The following PPP1R12B variants were observed in gnomAD, a reference collection of about 807,000 sequenced individuals.
PPP1R12B encodes protein phosphatase 1 regulatory subunit 12B, also known as myosin phosphatase target subunit 2.
A neutral mutation model predicts 126.1 loss-of-function variants in PPP1R12B; 76 were observed. The ratio of observed to expected loss-of-function variants is 0.60; its 90% CI spans 0.50 to 0.73. The LOEUF (loss-of-function observed/expected upper bound fraction) is 0.73, where lower values mean the gene tolerates loss of function less well. PPP1R12B is among the 30% of genes least tolerant of loss of function. The pLI is 0.00. For synonymous variants in PPP1R12B, 356 were observed against 434.7 expected (o/e 0.82, Z 2.25); for missense variants, 1,052 against 1,205.1 (o/e 0.87, Z 1.88).
At chr1:202,384,211 A>G (rs2148499564) in intron 1 of PPP1R12B, among the ~76,000 whole-genome samples, 1 of 152,344 alleles carries the variant, frequency 6.6e-6, no homozygotes, top group African/African-American at 2.4e-5. Flanking sequence ...ATATATTCAA[A>G]ATAATTAAAA....
chr1:202,412,601 G>T (rs75042169), intron 1 of PPP1R12B, among the ~76,000 whole-genome samples: 1,782 of 152,320 alleles, frequency 0.012, 14 homozygotes, highest in Non-Finnish European at 0.02. Flanking sequence ...CAGAGCCAAA[G>T]AAATTTTGCA....
chr1:202,434,888 TCTG>T lies in PPP1R12B; in HGVS notation c.1254+123_1254+125del, dbSNP rs1480344421. The stretch of plus-strand genomic sequence containing the variant: ...TAAAAATACATTTTTCCTGTCATAA[TCTG>T]CTCCCATAACAAAAAACACAGGCTG... On this transcript the variant is annotated intron_variant, in intron 9 of 23. Coordinates refer to ENST00000608999, the MANE Select transcript of PPP1R12B (RefSeq NM_002481.4). The T allele has an allele frequency of 3.4e-6, 5 of 1,463,472 alleles. No individual in the cohort carries two copies. In the African/African-American group the frequency reaches 5.8e-5, roughly 17 times the overall value. 90.7% of individuals were successfully genotyped at this position (1,463,472 alleles called of 1,614,324 possible).
At chr1:202,481,828 C>G (rs1288264902) in intron 13 of PPP1R12B, among the ~76,000 whole-genome samples, 1 of 152,044 alleles carries the variant, frequency 6.6e-6, no homozygotes, top group Non-Finnish European at 1.5e-5. Flanking sequence ...AATTTATTCC[C>G]CCTGTCTAAT....
rs536825617 is a variant in PPP1R12B, at chr1:202,461,863, C to CAAG, written c.1850+12694_1850+12696dup. ...TAAGCATTTGAACATTTATATGAGG[C>CAAG]AAGAGCTAGTGAGCTGAATGTGATA... On this transcript the variant is annotated intron_variant, in intron 13 of 23. Transcript: ENST00000608999. Among the ~76,000 whole-genome samples, 43 of 152,232 alleles carry CAAG rather than the reference C, an allele frequency of 2.8e-4. 1 individual carries two copies. In the East Asian group the frequency reaches 7.9e-3, roughly 28 times the overall value.
chr1:202,504,725 T>C (rs1680628268), intron 18 of PPP1R12B, among the ~76,000 whole-genome samples: 1 of 152,186 alleles, frequency 6.6e-6, no homozygotes, highest in Non-Finnish European at 1.5e-5. Context: ...TATAGCATAA[T>C]AGTTAAGAGG....
chr1:202,431,732 A>G lies in PPP1R12B; in HGVS notation c.1141+113A>G. 5.8e-6 allele frequency: 6 copies of G among 1,035,368 alleles called. No homozygotes were observed. The South Asian group carries it at 7.4e-5, about 13-fold the overall frequency. The allele number at this position is 1,035,368 out of a possible 1,614,324, so 64.1% of individuals were successfully genotyped here. On this transcript the variant is annotated intron_variant, in intron 8 of 23. Transcript: ENST00000608999. ...GGACTCCAAAAAGAGCTTGAAGTTT[A>G]GTTTTCAAGGATAAGATATCAAATT...
chr1:202,376,218 GT>G (rs201255554), intron 1 of PPP1R12B, among the ~76,000 whole-genome samples: 5 of 151,494 alleles, frequency 3.3e-5, no homozygotes, highest in Admixed American at 2.6e-4. Context: ...CTTGTTTTAG[GT>G]TTTTTTTTAT....
chr1:202,425,551 A>G lies in PPP1R12B; in HGVS notation c.542-15A>G, dbSNP rs778426774. 1.9e-6 allele frequency: 3 copies of G among 1,612,422 alleles called. No individual in the cohort carries two copies. Among genetic ancestry groups the G allele is most frequent in the South Asian group, 1.1e-5 (1 of 90,898 alleles). On this transcript the variant is annotated splice_polypyrimidine_tract_variant and intron_variant, in intron 3 of 23. Transcript: ENST00000608999. ...GCTTTAGTAATCCTGGCTGTCTGGT[A>G]TCTGGTTTCTGTAGGAGTTGATCTA...
chr1:202,361,135 C>T (rs1347655013), intron 1 of PPP1R12B, among the ~76,000 whole-genome samples: 2 of 152,102 alleles, frequency 1.3e-5, no homozygotes, highest in African/African-American at 4.8e-5. Context: ...CCTTGTGATC[C>T]GCCCGCCTCG....
At chr1:202,433,825 G>A (rs546961915) in intron 8 of PPP1R12B, among the ~76,000 whole-genome samples, 1 of 152,272 alleles carries the variant, frequency 6.6e-6, no homozygotes, top group Admixed American at 6.5e-5. Context: ...TGTCCCTCTA[G>A]CACTGCCTAC....
intron 5 of PPP1R12B, among the ~76,000 whole-genome samples, chr1:202,427,398 AT>A (rs1558211414): frequency 2.0e-5 from 3 of 152,098 alleles, no homozygotes; most frequent in African/African-American, 7.2e-5. Context: ...TTCTGATTGT[AT>A]TTATGTTCAA....
chr1:202,396,717 A>G (rs1430413672), intron 1 of PPP1R12B, among the ~76,000 whole-genome samples: 2 of 152,110 alleles, frequency 1.3e-5, no homozygotes, highest in African/African-American at 4.8e-5. Context: ...GGCTCAAGTG[A>G]TCCTCCCACC....
chr1:202,473,096 C>T (rs1676151328), intron 13 of PPP1R12B, among the ~76,000 whole-genome samples: 1 of 152,164 alleles, frequency 6.6e-6, no homozygotes, highest in Non-Finnish European at 1.5e-5. Context: ...GAGGGAAATT[C>T]TTTCTTAAAA....
chr1:202,492,611 A>G (rs574609238), intron 14 of PPP1R12B, among the ~76,000 whole-genome samples: 1 of 152,328 alleles, frequency 6.6e-6, no homozygotes, highest in East Asian at 1.9e-4. Context: ...GGGAATTGAT[A>G]TTAGAGAAAA....
chr1:202,437,826 T>G lies in PPP1R12B; in HGVS notation c.1260T>G (p.Ser420=). 1 of 1,608,732 alleles carries G rather than the reference T, an allele frequency of 6.2e-7. No homozygotes were observed. Among genetic ancestry groups the G allele is most frequent in the Non-Finnish European group, 8.5e-7 (1 of 1,176,010 alleles). The part of the protein sequence containing the change: ...TFSASSARRF[S]SGLFNKPEEP... Reference sequence around the variant, plus strand: ...TTTATTTGCTTCTCTCATAGTTCTCTTCTGGCCTTTTTAACAAGCCAGAAG... The same window carrying G: ...TTTATTTGCTTCTCTCATAGTTCTCGTCTGGCCTTTTTAACAAGCCAGAAG... Residue 420 remains serine, a synonymous_variant, in exon 10 of 24, where the codon TCT becomes TCG. Coordinates refer to ENST00000608999, the MANE Select transcript of PPP1R12B (RefSeq NM_002481.4).
At position 202,449,918 on chromosome 1, in the gene PPP1R12B, C is replaced by G. The variant is rs558611227; in HGVS notation, c.1850+747C>G. 3.9e-4 allele frequency among the ~76,000 whole-genome samples: 60 copies of G among 152,178 alleles called. 1 individual carries two copies. Among genetic ancestry groups the G allele is most frequent in the African/African-American group, 1.3e-3 (55 of 41,504 alleles). ...AGCCAGGATGGTCTCGATGTCCTGA[C>G]CTCGTGATCCGCCCGCCTCGGCCTC... On this transcript the variant is annotated intron_variant, in intron 13 of 23. Coordinates refer to ENST00000608999, the MANE Select transcript of PPP1R12B (RefSeq NM_002481.4).
At chr1:202,408,935 T>G (rs1376704605) in intron 1 of PPP1R12B, among the ~76,000 whole-genome samples, 1 of 147,084 alleles carries the variant, frequency 6.8e-6, no homozygotes, top group Non-Finnish European at 1.5e-5. Context: ...CCTCCCAGGC[T>G]CAAGCAATTC....
At chr1:202,541,819 C>G (rs1183893026) in intron 18 of PPP1R12B, among the ~76,000 whole-genome samples, 4 of 152,172 alleles carry the variant, frequency 2.6e-5, no homozygotes, top group Non-Finnish European at 5.9e-5. Flanking sequence ...TCCAACCTCC[C>G]TACCCTCGTT....
At chr1:202,362,631 G>C (rs1658410402) in intron 1 of PPP1R12B, among the ~76,000 whole-genome samples, 1 of 148,970 alleles carries the variant, frequency 6.7e-6, no homozygotes, top group Non-Finnish European at 1.5e-5. Context: ...GCCAGTTCAT[G>C]ACAGAATCAG....
Sources: gnomAD v4.1 joint callset for allele counts (sites outside exome capture counted in the v4.1 genomes callset) on GRCh38, gnomAD v4.1.1 for gene constraint, MANE v1.5 for transcripts, NCBI Gene and HGNC (gene_info 2026-07-23, HGNC 2026-07-21) for gene names.